Variants in ADK observed in about 807,000 individuals in gnomAD.
ADK encodes the protein N6,N6-dimethyladenosine kinase.
A neutral mutation model predicts 44.7 loss-of-function variants in ADK; 24 were observed. That is an observed-to-expected ratio of 0.54 (90% CI 0.39 to 0.76). The LOEUF is 0.76. Among genes scored for constraint, ADK ranks in the 30% least tolerant of loss-of-function variants. The pLI is 0.00. For missense variants in ADK, 321 were observed against 425.1 expected, an observed-to-expected ratio of 0.76 and a Z score of 2.15; for synonymous variants, 128 against 142.6, an observed-to-expected ratio of 0.90 and a Z score of 0.73.
chr10:74,221,124 T>C (rs1452467322), intron 2 of ADK, among the ~76,000 whole-genome samples: 8 of 149,366 alleles, frequency 5.4e-5, no homozygotes, highest in Admixed American at 1.3e-4. Flanking sequence ...GAAAACCCCA[T>C]TGTCTCAGCC....
chr10:74,582,125 C>T lies in ADK; in HGVS notation c.727-7157C>T, dbSNP rs71473741. 3.2e-3 allele frequency among the ~76,000 whole-genome samples: 481 copies of T among 152,188 alleles called. 1 individual carries two copies. Among genetic ancestry groups the T allele is most frequent in the Non-Finnish European group, 5.0e-3 (338 of 68,002 alleles). The stretch of plus-strand genomic sequence containing the variant: ...ATTATCTCATTAAAAATGGAAATAA[C>T]CTGCCTGGGCAACATGGCAAAACCC... On this transcript the variant is annotated intron_variant, in intron 7 of 10. Transcript: ENST00000539909.
intron 1 of ADK, among the ~76,000 whole-genome samples, chr10:74,176,253 G>T (rs75742796): frequency 3.6e-4 from 55 of 152,318 alleles, no homozygotes; most frequent in Non-Finnish European, 6.0e-4. Flanking sequence ...AAAGGCTGCG[G>T]ACTGGAATTA....
chr10:74,304,930 A>G (rs567329295), intron 3 of ADK, among the ~76,000 whole-genome samples: 282 of 152,334 alleles, frequency 1.9e-3, no homozygotes, highest in African/African-American at 5.9e-3. Flanking sequence ...CTTAAATTAC[A>G]GTTGTCCTTT....
At chr10:74,493,462 G>T (rs917545648) in intron 6 of ADK, among the ~76,000 whole-genome samples, 2 of 149,954 alleles carry the variant, frequency 1.3e-5, no homozygotes, top group Non-Finnish European at 3.0e-5. Context: ...CATCTATATA[G>T]AAGAGATATA....
At chr10:74,698,861 T>C (rs11001114) in intron 10 of ADK, among the ~76,000 whole-genome samples, 15,526 of 151,348 alleles carry the variant, frequency 0.1, 1,310 homozygotes, top group African/African-American at 0.22. Flanking sequence ...GCCTGACTTG[T>C]TTTTGTTTTT....
At chr10:74,450,722 CAT>C (rs1182036940) in intron 6 of ADK, among the ~76,000 whole-genome samples, 2 of 152,094 alleles carry the variant, frequency 1.3e-5, no homozygotes, top group Non-Finnish European at 2.9e-5. Flanking sequence ...GTGAACAAGA[CAT>C]ATTAATAGCT....
chr10:74,696,446 A>G (rs770504667), intron 10 of ADK, among the ~76,000 whole-genome samples: 2 of 151,458 alleles, frequency 1.3e-5, no homozygotes, highest in African/African-American at 2.4e-5. Flanking sequence ...GCTCACTGCA[A>G]GCTCCACCTC....
intron 7 of ADK, among the ~76,000 whole-genome samples, chr10:74,545,122 T>C (rs1269091095): frequency 6.6e-6 from 1 of 152,160 alleles, no homozygotes; most frequent in Non-Finnish European, 1.5e-5. Context: ...TAGTTTAAGG[T>C]ATTCTCTTGG....
chr10:74,682,639 T>G (rs914007527), intron 10 of ADK, among the ~76,000 whole-genome samples: 1 of 150,972 alleles, frequency 6.6e-6, no homozygotes, highest in Non-Finnish European at 1.5e-5. Context: ...AGTGGTGTGA[T>G]CTCAGCTCAC....
At chr10:74,676,265 A>G (rs932438588) in intron 10 of ADK, among the ~76,000 whole-genome samples, 1 of 152,008 alleles carries the variant, frequency 6.6e-6, no homozygotes, top group African/African-American at 2.4e-5. Context: ...AAATAGCTAG[A>G]ATTACAGGCA....
At chr10:74,296,481 C>T (rs1839819994) in intron 3 of ADK, among the ~76,000 whole-genome samples, 1 of 151,956 alleles carries the variant, frequency 6.6e-6, no homozygotes, top group African/African-American at 2.4e-5. Flanking sequence ...TTTTAAAAAT[C>T]AGTAATAAGT....
chr10:74,233,104 T>C (rs1025777874), intron 3 of ADK, among the ~76,000 whole-genome samples: 35 of 152,238 alleles, frequency 2.3e-4, no homozygotes, highest in African/African-American at 8.4e-4. Flanking sequence ...ACTTAGTTTA[T>C]GTATGAGTTT....
At position 74,259,123 on chromosome 10, in the gene ADK, T is replaced by A. The variant is rs1845942922; in HGVS notation, c.194+34532T>A. Among the ~76,000 whole-genome samples the A allele has an allele frequency of 3.3e-5, 5 of 151,992 alleles. No individual in the cohort carries two copies. In the South Asian group the frequency reaches 1.0e-3, roughly 32 times the overall value. ...TGTGGCCTAGCTAATTTTTGTATTT[T>A]TAGTAGAGAAGAGGTTTCGCCATGT... On this transcript the variant is annotated intron_variant, in intron 3 of 10. Transcript: ENST00000539909.
intron 3 of ADK, among the ~76,000 whole-genome samples, chr10:74,258,568 G>A (rs953937838): frequency 1.3e-5 from 2 of 151,918 alleles, no homozygotes; most frequent in African/African-American, 2.4e-5. Context: ...AGCAGGATAC[G>A]GTACATCATT....
intron 4 of ADK, among the ~76,000 whole-genome samples, chr10:74,363,649 G>T (rs1466910207): frequency 6.6e-6 from 1 of 151,994 alleles, no homozygotes; most frequent in Non-Finnish European, 1.5e-5. Flanking sequence ...TTTCCTGGTT[G>T]CAGCAGGAAA....
chr10:74,592,035 T>TA (rs942635279), intron 8 of ADK, among the ~76,000 whole-genome samples: 1,864 of 146,750 alleles, frequency 0.013, 26 homozygotes, highest in Non-Finnish European at 0.012. Flanking sequence ...TTTACTTTTG[T>TA]AAAAAAAAAA....
intron 1 of ADK, among the ~76,000 whole-genome samples, chr10:74,180,163 C>T (rs10733895): frequency 0.74 from 111,092 of 150,960 alleles, 41,611 homozygotes; most frequent in Middle Eastern, 0.85. Context: ...TTGGGCCCCA[C>T]TGAGGGCCTT....
At chr10:74,298,936 A>C (rs938976512) in intron 3 of ADK, among the ~76,000 whole-genome samples, 1 of 152,060 alleles carries the variant, frequency 6.6e-6, no homozygotes, top group African/African-American at 2.4e-5. Flanking sequence ...AAAAAAGTGA[A>C]TTGAGGACAT....
At chr10:74,229,952 T>C (rs752469259) in intron 3 of ADK, among the ~76,000 whole-genome samples, 36 of 151,974 alleles carry the variant, frequency 2.4e-4, no homozygotes, top group Admixed American at 7.2e-4. Flanking sequence ...GGTGGGAGGA[T>C]TGCTTGAGAC....
Sources: gnomAD v4.1 joint callset for allele counts (sites outside exome capture counted in the v4.1 genomes callset) on GRCh38, gnomAD v4.1.1 for gene constraint, MANE v1.5 for transcripts, NCBI Gene and HGNC (gene_info 2026-07-23, HGNC 2026-07-21) for gene names.